The following XXYLT1 variants were observed in gnomAD, a reference collection of about 807,000 sequenced individuals.
The protein encoded by XXYLT1 is xyloside xylosyltransferase 1.
XXYLT1 carries 20 observed loss-of-function variants against 28.9 expected under a neutral mutation model. The ratio of observed to expected loss-of-function variants is 0.69; its 90% CI spans 0.49 to 1.00. The LOEUF is 1.00. Among genes scored for constraint, XXYLT1 ranks in the 50% least tolerant of loss-of-function variants. XXYLT1 has a pLI of 0.00. For missense variants in XXYLT1, 542 were observed against 560.1 expected, an observed-to-expected ratio of 0.97 and a Z score of 0.33; for synonymous variants, 257 against 253.8, an observed-to-expected ratio of 1.01 and a Z score of -0.12.
chr3:195,226,982 G>A, intron 1 of XXYLT1, 126 bp from the exon 2 acceptor site: 2 of 1,186,488 alleles, frequency 1.7e-6, no homozygotes. Context: ...CACAAGCAGG[G>A]GATGGGGCTA....
chr3:195,199,483 C>A (rs192300209), intron 2 of XXYLT1, among the ~76,000 whole-genome samples: 2 of 152,022 alleles, frequency 1.3e-5, no homozygotes, highest in Non-Finnish European at 2.9e-5. Flanking sequence ...TGGTGGTGGG[C>A]GCCTGTAGTC....
rs571767645 is a variant in XXYLT1, at chr3:195,076,213, C to T, written c.786-6102G>A. Among the ~76,000 whole-genome samples the T allele has an allele frequency of 3.7e-4, 56 of 152,034 alleles. No homozygotes were observed. The highest frequency in any genetic ancestry group is 6.2e-4 in the Non-Finnish European group (42 of 68,010). On this transcript the variant is annotated intron_variant, in intron 3 of 3. Transcript: ENST00000310380. This position sits in a 1 kb window ranked among gnomAD's most constrained non-coding sequence, Gnocchi z 5.3. ...GGGCCTGGAGGAAGGTCTGGGGGCT[C>T]GGGGAAGTGAGAAAAGAGGTGACAT...
At position 195,270,843 on chromosome 3, in the gene XXYLT1, C is replaced by A; in HGVS notation, c.216G>T (p.Glu72Asp). Residue 72 changes from glutamate (E) to aspartate (D), a missense_variant, in exon 1 of 4, where the codon GAG becomes GAT. By Grantham distance (45) the Glu-to-Asp change is conservative (BLOSUM62 2). Coordinates refer to ENST00000310380, the MANE Select transcript of XXYLT1 (RefSeq NM_152531.5). ...CTGGCGCCACGGAGCCCCGCGCTAG[C>A]TCCAGCGCGGGCGGCGAGGGCGCGG... ...APAAPSPPAL[E>D]LARGSVAPAP... The A allele has an allele frequency of 7.0e-7, 1 of 1,428,640 alleles. No individual in the cohort carries two copies. The highest frequency in any genetic ancestry group is 9.1e-7 in the Non-Finnish European group (1 of 1,095,138). The allele number at this position is 1,428,640 out of a possible 1,614,324, so 88.5% of individuals were successfully genotyped here. A position where few individuals can be genotyped will look rare whatever the true frequency, so the allele number is the denominator to read the frequency against.
At chr3:195,269,258 T>A (rs1046956205) in intron 1 of XXYLT1, among the ~76,000 whole-genome samples, 4 of 152,138 alleles carry the variant, frequency 2.6e-5, no homozygotes, top group African/African-American at 9.7e-5. Flanking sequence ...CCAAGGGCCC[T>A]CAGTTTTCTA....
At chr3:195,252,553 T>C (rs1242174621) in intron 1 of XXYLT1, among the ~76,000 whole-genome samples, 1 of 151,308 alleles carries the variant, frequency 6.6e-6, no homozygotes, top group Non-Finnish European at 1.5e-5. Context: ...GGCAAGAGAG[T>C]GGGCACTGAG....
In XXYLT1 at chr3:195,115,455, G is replaced by T. The variant is rs1281340786; in HGVS notation, c.785+40994C>A. ...GCCCAGCCGGAAACCTGCCCCTTGA[G>T]CCCCTCCAACAATGTTGTAAGCACC... is the stretch of plus-strand genomic sequence containing the variant. On this transcript the variant is annotated intron_variant, in intron 3 of 3. Transcript: ENST00000310380. The surrounding 1 kb of genome is among the most constrained non-coding windows in gnomAD (Gnocchi z 4.2). 6.6e-6 allele frequency among the ~76,000 whole-genome samples: 1 copy of T among 152,178 alleles called. No homozygotes were observed. The highest frequency in any genetic ancestry group is 2.4e-5 in the African/African-American group (1 of 41,430).
chr3:195,253,991 C>T (rs373514843), intron 1 of XXYLT1, among the ~76,000 whole-genome samples: 1 of 152,218 alleles, frequency 6.6e-6, no homozygotes, highest in East Asian at 1.9e-4. Flanking sequence ...ACGGTGCTCT[C>T]GGACAAGTCA....
chr3:195,115,138 C>T lies in XXYLT1; in HGVS notation c.785+41311G>A, dbSNP rs548581900. 6.6e-5 allele frequency among the ~76,000 whole-genome samples: 10 copies of T among 152,192 alleles called. No individual in the cohort carries two copies. Among genetic ancestry groups the T allele is most frequent in the Non-Finnish European group, 8.8e-5 (6 of 68,048 alleles). Reference sequence around the variant, plus strand: ...ATGCCCAAACGGCGAGAGCTCGGGACGTGAATCAGGTGCTGCGACTCGGGA... The same window carrying T: ...ATGCCCAAACGGCGAGAGCTCGGGATGTGAATCAGGTGCTGCGACTCGGGA... On this transcript the variant is annotated intron_variant, in intron 3 of 3. Transcript: ENST00000310380. This position sits in a 1 kb window ranked among gnomAD's most constrained non-coding sequence, Gnocchi z 4.2.
In XXYLT1 at chr3:195,204,076, G is replaced by A. The variant is rs545952403; in HGVS notation, c.652+22633C>T. ...AAAACTATCATTGGCCGGGCACAGT[G>A]GCTCACGCCTGGAATCCCAGCATTT... On this transcript the variant is annotated intron_variant, in intron 2 of 3. Coordinates refer to ENST00000310380, the MANE Select transcript of XXYLT1 (RefSeq NM_152531.5). Among the ~76,000 whole-genome samples the A allele has an allele frequency of 2.0e-5, 3 of 152,294 alleles. No individual in the cohort carries two copies. The East Asian group carries it at 5.8e-4, about 29-fold the overall frequency.
rs564055182 is a variant in XXYLT1 at position 195,116,826 on chromosome 3, C to T, written c.785+39623G>A. ...AGCCTTGTTCTCCTTTCTGGAACCT[C>T]GGGAGCAAAACAGGCAAAGGTCCCA... is the stretch of plus-strand genomic sequence containing the variant. On this transcript the variant is annotated intron_variant, in intron 3 of 3. Transcript: ENST00000310380. Among the ~76,000 whole-genome samples, 10 of 152,214 alleles carry T rather than the reference C, an allele frequency of 6.6e-5. No individual in the cohort carries two copies. In the South Asian group the frequency reaches 1.7e-3, roughly 25 times the overall value.
Position 195,192,148 on chromosome 3 carries a change from G to C in XXYLT1, c.652+34561C>G, listed in dbSNP as rs551680200. 2.6e-5 allele frequency among the ~76,000 whole-genome samples: 4 copies of C among 152,340 alleles called. 1 individual carries two copies. Among genetic ancestry groups the C allele is most frequent in the African/African-American group, 9.6e-5 (4 of 41,580 alleles). ...ATAAATTTAAAATGTTTGAGGTCGG[G>C]TACAGTGGCTCATGCCTGTAATCTA... On this transcript the variant is annotated intron_variant, in intron 2 of 3. Coordinates refer to ENST00000310380, the MANE Select transcript of XXYLT1 (RefSeq NM_152531.5).
chr3:195,118,339 A>G (rs1718156883), intron 3 of XXYLT1, among the ~76,000 whole-genome samples: 1 of 152,258 alleles, frequency 6.6e-6, no homozygotes, highest in African/African-American at 2.4e-5. Context: ...AGGCAGTTCC[A>G]AAGGTCCTTC....
intron 2 of XXYLT1, among the ~76,000 whole-genome samples, chr3:195,159,756 C>A (rs974484900): frequency 6.6e-6 from 1 of 152,128 alleles, no homozygotes; most frequent in African/African-American, 2.4e-5. Context: ...GCCTGGCTGG[C>A]GGCCGATGCT....
Position 195,240,709 on chromosome 3 carries a change from A to G in XXYLT1, c.505-13853T>C, listed in dbSNP as rs147443217. 3.7e-4 allele frequency among the ~76,000 whole-genome samples: 56 copies of G among 152,318 alleles called. No individual in the cohort carries two copies. The highest frequency in any genetic ancestry group is 3.4e-3 in the Middle Eastern group (1 of 294). On this transcript the variant is annotated intron_variant, in intron 1 of 3. Transcript: ENST00000310380. This position sits in a 1 kb window ranked among gnomAD's most constrained non-coding sequence, Gnocchi z 4.7. ...GCCGCCAGAGACCATCCCCCAGCAC[A>G]GCTATTGGAGGGAAGGTGGTGGCAC... is the stretch of plus-strand genomic sequence containing the variant.
chr3:195,256,404 G>A lies in XXYLT1; in HGVS notation c.504+14151C>T. 1 of 833,558 alleles carries A rather than the reference G, an allele frequency of 1.2e-6. No homozygotes were observed. 51.6% of individuals were successfully genotyped at this position (833,558 alleles called of 1,614,324 possible). Reference sequence around the variant, plus strand: ...GTCATTCCAAGTCCCTCGCCCTCATGCTCCGCGCAGGCCTGAGGTGCGGCC... The same window carrying A: ...GTCATTCCAAGTCCCTCGCCCTCATACTCCGCGCAGGCCTGAGGTGCGGCC... On this transcript the variant is annotated intron_variant, in intron 1 of 3. Transcript: ENST00000310380. The surrounding 1 kb of genome is among the most constrained non-coding windows in gnomAD (Gnocchi z 4.2).
At chr3:195,070,222 G>T in intron 3 of XXYLT1, 111 bp from the exon 4 acceptor site, 2 of 1,383,964 alleles carry the variant, frequency 1.4e-6, no homozygotes, top group Non-Finnish European at 1.9e-6. Flanking sequence ...ACATTCCGGG[G>T]TGCAGAATCC....
chr3:195,148,823 C>T (rs949878543), intron 3 of XXYLT1, among the ~76,000 whole-genome samples: 24 of 152,174 alleles, frequency 1.6e-4, no homozygotes, highest in African/African-American at 5.8e-4. Flanking sequence ...CTCCTCAGCT[C>T]TAAACTCGGC....
At chr3:195,237,126 T>C (rs1319539351) in intron 1 of XXYLT1, among the ~76,000 whole-genome samples, 1 of 152,144 alleles carries the variant, frequency 6.6e-6, no homozygotes, top group Non-Finnish European at 1.5e-5. Flanking sequence ...AACCCCCAAG[T>C]CCACTGGCTC....
intron 3 of XXYLT1, among the ~76,000 whole-genome samples, chr3:195,125,503 C>T (rs1255820056): frequency 1.3e-5 from 2 of 152,208 alleles, no homozygotes; most frequent in African/African-American, 4.8e-5. Flanking sequence ...GCTCACAAGC[C>T]TGGTGGGGGT....
Sources: allele counts gnomAD v4.1 joint callset (sites outside exome capture counted in the v4.1 genomes callset), GRCh38; gene constraint gnomAD v4.1.1; non-coding constraint Gnocchi (gnomAD v3.1); transcripts MANE v1.5; gene names NCBI Gene and HGNC (gene_info 2026-07-23, HGNC 2026-07-21).